The following ATF7IP variants were observed in gnomAD, a reference collection of about 807,000 sequenced individuals.
The protein encoded by ATF7IP is activating transcription factor 7-interacting protein 1.
ATF7IP carries 23 observed loss-of-function variants against 106.4 expected under a neutral mutation model. The ratio of observed to expected loss-of-function variants is 0.22; its 90% CI spans 0.16 to 0.31. ATF7IP has a LOEUF of 0.31. Ranked by LOEUF, ATF7IP falls within the 10% of genes least tolerant of loss-of-function variation. The pLI is 1.00. For synonymous variants in ATF7IP, 542 were observed against 539.0 expected (o/e 1.01, Z -0.08); for missense variants, 1,334 against 1,524.3 (o/e 0.88, Z 2.08).
chr12:14,454,633 G>A (rs1292415937), intron 6 of ATF7IP, among the ~76,000 whole-genome samples: 1 of 151,992 alleles, frequency 6.6e-6, no homozygotes, highest in Non-Finnish European at 1.5e-5. Context: ...GCTCACCTGG[G>A]ATGGCATACC....
chr12:14,399,032 C>T (rs1472456820), intron 1 of ATF7IP, among the ~76,000 whole-genome samples: 4 of 152,070 alleles, frequency 2.6e-5, no homozygotes, highest in Admixed American at 2.6e-4. Context: ...TTAACTTACA[C>T]ATTGCAATTA....
intron 1 of ATF7IP, among the ~76,000 whole-genome samples, chr12:14,397,537 C>G (rs1189861723): frequency 6.6e-6 from 1 of 152,042 alleles, no homozygotes; most frequent in African/African-American, 2.4e-5. Flanking sequence ...TATTGGGCAT[C>G]CAAACAAATT....
At position 14,460,503 on chromosome 12, in the gene ATF7IP, A is replaced by G. The variant is rs1943596298; in HGVS notation, c.2167A>G (p.Thr723Ala). ...CTGTTTTCTTTCTATAGTATCTTCAACCAATCTTGTCACTCCTCCAGCAGT... is the reference window on the plus strand; with the variant it reads ...CTGTTTTCTTTCTATAGTATCTTCAGCCAATCTTGTCACTCCTCCAGCAGT... ...FQTPVNTVSS[T>A]NLVTPPAVVS... The change falls in exon 9 of 15, where the codon ACC becomes GCC. Residue 723 changes from threonine to alanine, a missense_variant. Around this residue, in one of 10 missense-constraint regions of ATF7IP, gnomAD observed 171 missense variants for 172.6 expected, o/e 0.99. Coordinates refer to ENST00000261168, the MANE Select transcript of ATF7IP (RefSeq NM_018179.5). The G allele has an allele frequency of 6.2e-7, 1 of 1,612,698 alleles. No individual in the cohort carries two copies.
chr12:14,413,489 T>G (rs941237940), intron 1 of ATF7IP, among the ~76,000 whole-genome samples: 1 of 152,080 alleles, frequency 6.6e-6, no homozygotes, highest in Non-Finnish European at 1.5e-5. Flanking sequence ...GTACCAAAAC[T>G]TAAATGATGA....
chr12:14,425,516 GATGAACTGTTTAATAAAACATTATCATAA>G, intron 2 of ATF7IP, 43 bp downstream of exon 2: 1 of 1,477,836 alleles, frequency 6.8e-7, no homozygotes, highest in Non-Finnish European at 9.0e-7. Flanking sequence ...TATTGACTTT[GATGAACTGTTTAATAAAACATTATCATAA>G]TGTTTTAAAT....
chr12:14,418,323 G>A (rs1263350837), intron 1 of ATF7IP, among the ~76,000 whole-genome samples: 1 of 152,094 alleles, frequency 6.6e-6, no homozygotes, highest in East Asian at 1.9e-4. Context: ...ACTTTCAGGA[G>A]AAACTAGTTC....
chr12:14,378,623 T>A (rs1365832089), intron 1 of ATF7IP, among the ~76,000 whole-genome samples: 1 of 152,240 alleles, frequency 6.6e-6, no homozygotes, highest in Admixed American at 6.5e-5. Flanking sequence ...TAACCACAAT[T>A]AAATCATTCA....
intron 13 of ATF7IP, among the ~76,000 whole-genome samples, chr12:14,494,604 G>A (rs1458726005): frequency 6.8e-6 from 1 of 147,960 alleles, no homozygotes; most frequent in Non-Finnish European, 1.5e-5. Context: ...ATATATAAAG[G>A]GGAGTTTATT....
intron 1 of ATF7IP, among the ~76,000 whole-genome samples, chr12:14,413,489 T>A (rs941237940): frequency 6.6e-6 from 1 of 152,080 alleles, no homozygotes; most frequent in Admixed American, 6.6e-5. Flanking sequence ...GTACCAAAAC[T>A]TAAATGATGA....
At chr12:14,412,976 T>C (rs1360469559) in intron 1 of ATF7IP, among the ~76,000 whole-genome samples, 1 of 152,228 alleles carries the variant, frequency 6.6e-6, no homozygotes, top group Middle Eastern at 3.2e-3. Flanking sequence ...ATTGTGCCAG[T>C]GCACTGCAGC....
intron 2 of ATF7IP, among the ~76,000 whole-genome samples, chr12:14,429,398 TC>T (rs1236612093): frequency 1.3e-5 from 2 of 152,200 alleles, no homozygotes; most frequent in African/African-American, 4.8e-5. Flanking sequence ...ATAGGCCTCC[TC>T]CACGTGCTTT....
chr12:14,458,647 A>G (rs1943526586), intron 8 of ATF7IP, among the ~76,000 whole-genome samples: 1 of 152,044 alleles, frequency 6.6e-6, no homozygotes, highest in Non-Finnish European at 1.5e-5. Flanking sequence ...ACATAGTGAA[A>G]CTCTCTCTCT....
chr12:14,425,502 T>C, intron 2 of ATF7IP, 29 bp downstream of exon 2: 1 of 1,491,478 alleles, frequency 6.7e-7, no homozygotes, highest in Non-Finnish European at 8.9e-7. Context: ...TGTTAAAGAT[T>C]TTTTATTGAC....
At chr12:14,418,882 A>G (rs1042578200) in intron 1 of ATF7IP, among the ~76,000 whole-genome samples, 1 of 152,062 alleles carries the variant, frequency 6.6e-6, no homozygotes, top group African/African-American at 2.4e-5. Context: ...CTTTTCTTGA[A>G]TTATATATTT....
intron 9 of ATF7IP, among the ~76,000 whole-genome samples, chr12:14,461,958 CTTTTA>C (rs1288257471): frequency 4.6e-5 from 7 of 152,058 alleles, no homozygotes; most frequent in Non-Finnish European, 8.8e-5. Flanking sequence ...TACAAAATTA[CTTTTA>C]TAAGTGAGAT....
intron 4 of ATF7IP, among the ~76,000 whole-genome samples, chr12:14,437,224 T>C (rs926744482): frequency 6.6e-6 from 1 of 152,204 alleles, no homozygotes; most frequent in Non-Finnish European, 1.5e-5. Flanking sequence ...TAAACTTCGA[T>C]GATAACTAGT....
chr12:14,418,573 G>T (rs1266577413), intron 1 of ATF7IP, among the ~76,000 whole-genome samples: 2 of 152,202 alleles, frequency 1.3e-5, no homozygotes, highest in Admixed American at 6.5e-5. Flanking sequence ...AAACTTGTTT[G>T]CAGGTAACAC....
chr12:14,446,633 T>C (rs1041897907), intron 5 of ATF7IP, among the ~76,000 whole-genome samples: 1 of 152,124 alleles, frequency 6.6e-6, no homozygotes, highest in Non-Finnish European at 1.5e-5. Context: ...TTTATAATTC[T>C]CAATGAGAAA....
chr12:14,385,441 T>G (rs1175452339), intron 1 of ATF7IP: 1 of 1,517,940 alleles, frequency 6.6e-7, no homozygotes. Flanking sequence ...ATTCTCATTT[T>G]TTTCTTTTTT....
Sources: allele counts gnomAD v4.1 joint callset (sites outside exome capture counted in the v4.1 genomes callset), GRCh38; gene constraint gnomAD v4.1.1; regional missense constraint gnomAD v4.1.1; transcripts MANE v1.5; gene names NCBI Gene and HGNC (gene_info 2026-07-23, HGNC 2026-07-21).